The following MAPKAP1 variants were observed in gnomAD, a reference collection of about 807,000 sequenced individuals.
The protein encoded by MAPKAP1 is target of rapamycin complex 2 subunit MAPKAP1.
MAPKAP1 carries 20 observed loss-of-function variants against 65.7 expected under a neutral mutation model. That is an observed-to-expected ratio of 0.30 (90% CI 0.21 to 0.44). The LOEUF is 0.44. Ranked by LOEUF, MAPKAP1 falls within the 20% of genes least tolerant of loss-of-function variation. The pLI is 1.00. For synonymous variants in MAPKAP1, 222 were observed against 244.3 expected (o/e 0.91, Z 0.85); for missense variants, 423 against 648.0 (o/e 0.65, Z 3.77).
Position 125,630,210 on chromosome 9 carries a change from C to T in MAPKAP1, c.498+27441G>A, listed in dbSNP as rs530478065. ...GCATAATCACAGCTCACCGCAGCCT[C>T]GACTTCCCCGGCTCAACCGATCCTC... is the stretch of plus-strand genomic sequence containing the variant. On this transcript the variant is annotated intron_variant, in intron 4 of 11. Transcript: ENST00000265960. Among the ~76,000 whole-genome samples, 24 of 152,290 alleles carry T rather than the reference C, an allele frequency of 1.6e-4. No homozygotes were observed. In the South Asian group the frequency reaches 4.8e-3, roughly 30 times the overall value.
intron 1 of MAPKAP1, among the ~76,000 whole-genome samples, chr9:125,680,236 G>C (rs2131820963): frequency 6.6e-6 from 1 of 152,162 alleles, no homozygotes; most frequent in African/African-American, 2.4e-5. Context: ...ATGATTACAA[G>C]TGAGGGGAGA....
chr9:125,458,423 C>T (rs536053820), intron 10 of MAPKAP1, among the ~76,000 whole-genome samples: 1 of 151,936 alleles, frequency 6.6e-6, no homozygotes, highest in Non-Finnish European at 1.5e-5. Context: ...TGACTCTTAA[C>T]GAGCATGCTG....
rs1031206080 is a variant in MAPKAP1 at position 125,439,318 on chromosome 9, G to C, written c.1444-306C>G. 2.0e-5 allele frequency among the ~76,000 whole-genome samples: 3 copies of C among 152,264 alleles called. No individual in the cohort carries two copies. Among genetic ancestry groups the C allele is most frequent in the African/African-American group, 7.2e-5 (3 of 41,470 alleles). On this transcript the variant is annotated intron_variant, in intron 11 of 11. Transcript: ENST00000265960. This position sits in a 1 kb window ranked among gnomAD's most constrained non-coding sequence, Gnocchi z 4.0. ...TCCTGGCGTGAGCCACTCCCGGAAG[G>C]CTGTGCCCTGGGCTGCCTGGCTATG... is the stretch of plus-strand genomic sequence containing the variant.
At chr9:125,588,438 T>C (rs1268718432) in intron 4 of MAPKAP1, among the ~76,000 whole-genome samples, 1 of 152,090 alleles carries the variant, frequency 6.6e-6, no homozygotes, top group African/African-American at 2.4e-5. Context: ...CTTTTGGGGG[T>C]GATCGTAATG....
chr9:125,503,198 C>G (rs920157983), intron 8 of MAPKAP1, among the ~76,000 whole-genome samples: 2 of 152,140 alleles, frequency 1.3e-5, no homozygotes, highest in African/African-American at 4.8e-5. Context: ...ACTACTAAAG[C>G]CTTTAGTTCA....
chr9:125,438,818 G>T lies in MAPKAP1; in HGVS notation c.*69C>A. ...CCCGAGGACTTCAGGACACCGGGTG[G>T]ACTCTAGGGCACTTGGCCCTGGCAG... On this transcript the variant is annotated 3_prime_UTR_variant, in exon 12 of 12. Transcript: ENST00000265960. 5 of 1,597,888 alleles carry T rather than the reference G, an allele frequency of 3.1e-6. 1 individual carries two copies. In the South Asian group the frequency reaches 5.6e-5, roughly 18 times the overall value.
rs914826035 is a variant in MAPKAP1 at position 125,615,782 on chromosome 9, G to A, written c.499-30055C>T. Among the ~76,000 whole-genome samples the A allele has an allele frequency of 5.3e-5, 8 of 152,012 alleles. No individual in the cohort carries two copies. The East Asian group carries it at 1.4e-3, about 26-fold the overall frequency. The stretch of plus-strand genomic sequence containing the variant: ...ACAAAAATTAGCCAGGTGTAGTGGT[G>A]CATGCCTGTAATCCCAGCTACTCAG... On this transcript the variant is annotated intron_variant, in intron 4 of 11. Coordinates refer to ENST00000265960, the MANE Select transcript of MAPKAP1 (RefSeq NM_001006617.3).
At chr9:125,551,870 C>CT (rs1053921095) in intron 6 of MAPKAP1, among the ~76,000 whole-genome samples, 1 of 152,188 alleles carries the variant, frequency 6.6e-6, no homozygotes, top group African/African-American at 2.4e-5. Context: ...TTGAGAGGCA[C>CT]TTAGCCCACT....
intron 5 of MAPKAP1, among the ~76,000 whole-genome samples, chr9:125,577,310 C>A (rs1831445029): frequency 6.6e-6 from 1 of 151,106 alleles, no homozygotes; most frequent in Non-Finnish European, 1.5e-5. Context: ...AAGTGAGGAG[C>A]CCCTCCGCCC....
At chr9:125,560,816 C>T (rs544013908) in intron 5 of MAPKAP1, among the ~76,000 whole-genome samples, 10 of 152,298 alleles carry the variant, frequency 6.6e-5, no homozygotes, top group Admixed American at 2.6e-4. Context: ...ACTTCCCACT[C>T]CCTAGAATGT....
At chr9:125,464,736 T>C (rs114527806) in intron 10 of MAPKAP1, among the ~76,000 whole-genome samples, 4,580 of 152,242 alleles carry the variant, frequency 0.03, 86 homozygotes, top group South Asian at 0.057. Context: ...TGAGCCTGGG[T>C]CTCTCCGGTC....
intron 5 of MAPKAP1, among the ~76,000 whole-genome samples, chr9:125,581,453 T>C (rs754414992): frequency 6.6e-6 from 1 of 152,244 alleles, no homozygotes; most frequent in Non-Finnish European, 1.5e-5. Context: ...GAGCATCTTT[T>C]CATGTGCTCA....
intron 10 of MAPKAP1, among the ~76,000 whole-genome samples, chr9:125,460,361 A>G (rs1381808136): frequency 2.0e-5 from 3 of 152,220 alleles, no homozygotes; most frequent in Non-Finnish European, 4.4e-5. Context: ...ACAAATATCA[A>G]TATTCCAATC....
At chr9:125,455,260 G>A (rs7861421) in intron 10 of MAPKAP1, among the ~76,000 whole-genome samples, 41,004 of 151,898 alleles carry the variant, frequency 0.27, 5,689 homozygotes, top group African/African-American at 0.31. Flanking sequence ...CTAAAAAGTC[G>A]TCCAACAATG....
At chr9:125,515,588 C>T (rs995677266) in intron 7 of MAPKAP1, among the ~76,000 whole-genome samples, 2 of 152,188 alleles carry the variant, frequency 1.3e-5, no homozygotes, top group Admixed American at 1.3e-4. Context: ...GACATTTGGC[C>T]TCAACCAAAT....
In MAPKAP1 at chr9:125,661,260, G is replaced by A. The variant is rs184369431; in HGVS notation, c.350-3461C>T. Among the ~76,000 whole-genome samples, 537 of 152,300 alleles carry A rather than the reference G, an allele frequency of 3.5e-3. 7 individuals carry two copies. The highest frequency in any genetic ancestry group is 0.012 in the African/African-American group (512 of 41,568). ...GAGCATGAAACAGCGAAAGTCCTAT[G>A]AAACGGAATTCGGAAGATCAAGGAA... is the stretch of plus-strand genomic sequence containing the variant. On this transcript the variant is annotated intron_variant, in intron 3 of 11. Transcript: ENST00000265960.
chr9:125,484,664 A>C lies in MAPKAP1; in HGVS notation c.1067-81T>G. 5.0e-6 allele frequency: 7 copies of C among 1,390,812 alleles called. No individual in the cohort carries two copies. In the South Asian group the frequency reaches 1.0e-4, roughly 21 times the overall value. The allele number at this position is 1,390,812 out of a possible 1,614,324, so 86.2% of individuals were successfully genotyped here. Reference sequence around the variant, plus strand: ...GTCTGCTTAAAATGCTTTGGGATAAATTAAAATAATATGGGCTATTTAATT... The same window carrying C: ...GTCTGCTTAAAATGCTTTGGGATAACTTAAAATAATATGGGCTATTTAATT... On this transcript the variant is annotated intron_variant, in intron 8 of 11. Transcript: ENST00000265960.
chr9:125,497,903 G>A (rs1371180093), intron 8 of MAPKAP1, among the ~76,000 whole-genome samples: 3 of 152,206 alleles, frequency 2.0e-5, no homozygotes, highest in Non-Finnish European at 4.4e-5. Context: ...CTAAGGACCT[G>A]CATGGACTAC....
intron 1 of MAPKAP1, among the ~76,000 whole-genome samples, chr9:125,702,536 C>T (rs1015172234): frequency 7.3e-6 from 1 of 137,302 alleles, no homozygotes; most frequent in Non-Finnish European, 1.6e-5. Flanking sequence ...CTCCTTCCCA[C>T]AAAAAAAATA....
Sources: gnomAD v4.1 joint callset for allele counts (sites outside exome capture counted in the v4.1 genomes callset) on GRCh38, gnomAD v4.1.1 for gene constraint, Gnocchi (gnomAD v3.1) non-coding constraint, MANE v1.5 for transcripts, NCBI Gene and HGNC (gene_info 2026-07-23, HGNC 2026-07-21) for gene names.